The following NKAIN3 variants were observed in gnomAD, a reference collection of about 807,000 sequenced individuals.
NKAIN3 encodes sodium/potassium transporting ATPase interacting 3, also known as sodium/potassium-transporting ATPase subunit beta-1-interacting protein 3.
NKAIN3 carries 25 observed loss-of-function variants against 30.2 expected under a neutral mutation model. That is an observed-to-expected ratio of 0.83 (90% CI 0.60 to 1.16). The LOEUF is 1.16. Ranked by LOEUF, NKAIN3 falls within the 50% of genes most tolerant of loss-of-function variation. The pLI is 0.00. For missense variants in NKAIN3, 225 were observed against 254.1 expected (o/e 0.89, Z 0.78); for synonymous variants, 91 against 89.6 (o/e 1.02, Z -0.09).
chr8:62,596,464 G>C (rs1461161843), intron 3 of NKAIN3, among the ~76,000 whole-genome samples: 1 of 151,968 alleles, frequency 6.6e-6, no homozygotes, highest in Non-Finnish European at 1.5e-5. Flanking sequence ...TCTCCTAATG[G>C]CTTCCTGATG....
intron 1 of NKAIN3, among the ~76,000 whole-genome samples, chr8:62,577,278 A>G (rs1310443892): frequency 6.6e-6 from 1 of 151,960 alleles, no homozygotes; most frequent in Non-Finnish European, 1.5e-5. Context: ...TATAAAATGC[A>G]TATTTTCTCA....
intron 1 of NKAIN3, among the ~76,000 whole-genome samples, chr8:62,375,022 G>T (rs1360610641): frequency 6.6e-6 from 1 of 152,112 alleles, no homozygotes; most frequent in African/African-American, 2.4e-5. Flanking sequence ...TAAATGCTCT[G>T]TTCCCCTACA....
At chr8:62,857,120 C>T in intron 4 of NKAIN3, 1 of 381,390 alleles carries the variant, frequency 2.6e-6, no homozygotes, top group Non-Finnish European at 5.0e-6. Context: ...GGGAAGTGAC[C>T]AACTTGGACC....
At chr8:62,626,596 C>T (rs1288949908) in intron 3 of NKAIN3, among the ~76,000 whole-genome samples, 1 of 152,078 alleles carries the variant, frequency 6.6e-6, no homozygotes, top group Non-Finnish European at 1.5e-5. Flanking sequence ...GGACAGACTC[C>T]TGGGCTTTGC....
At chr8:62,554,852 C>T (rs1809334062) in intron 1 of NKAIN3, among the ~76,000 whole-genome samples, 1 of 152,102 alleles carries the variant, frequency 6.6e-6, no homozygotes, top group Admixed American at 6.6e-5. Flanking sequence ...CACTTCCACC[C>T]CTGATAACCA....
intron 5 of NKAIN3, among the ~76,000 whole-genome samples, chr8:62,943,992 A>G (rs190287396): frequency 6.6e-6 from 1 of 152,026 alleles, no homozygotes; most frequent in African/African-American, 2.4e-5. Flanking sequence ...GACATAATGG[A>G]CTTTGGGGAA....
intron 4 of NKAIN3, among the ~76,000 whole-genome samples, chr8:62,765,856 G>C (rs750222761): frequency 2.6e-5 from 4 of 151,680 alleles, no homozygotes; most frequent in Non-Finnish European, 4.4e-5. Flanking sequence ...TTCAGTACAA[G>C]ACTTTCTATA....
intron 3 of NKAIN3, among the ~76,000 whole-genome samples, chr8:62,687,450 T>G (rs1813834288): frequency 6.6e-6 from 1 of 152,178 alleles, no homozygotes; most frequent in African/African-American, 2.4e-5. Context: ...CTTTCATCCT[T>G]GAGTAATCTG....
chr8:62,290,297 G>T (rs1269259941), intron 1 of NKAIN3, among the ~76,000 whole-genome samples: 1 of 152,170 alleles, frequency 6.6e-6, no homozygotes, highest in South Asian at 2.1e-4. Flanking sequence ...GGAGTGGTGA[G>T]AGAGGGCATC....
intron 4 of NKAIN3, among the ~76,000 whole-genome samples, chr8:62,879,631 T>C (rs2130811753): frequency 6.6e-6 from 1 of 152,308 alleles, no homozygotes; most frequent in Non-Finnish European, 1.5e-5. Context: ...TGGGTCCAAA[T>C]GTGGGAGCTT....
intron 4 of NKAIN3, among the ~76,000 whole-genome samples, chr8:62,904,046 C>T (rs1172963896): frequency 6.6e-6 from 1 of 152,158 alleles, no homozygotes. Flanking sequence ...TGAGGGTGAA[C>T]CCTTGGACAA....
chr8:62,813,044 G>A (rs1018937483), intron 4 of NKAIN3, among the ~76,000 whole-genome samples: 5 of 151,740 alleles, frequency 3.3e-5, no homozygotes, highest in African/African-American at 1.2e-4. Flanking sequence ...AAGGCCTAAG[G>A]CCTCATTCTT....
At chr8:62,259,310 G>A (rs1812357600) in intron 1 of NKAIN3, among the ~76,000 whole-genome samples, 1 of 152,082 alleles carries the variant, frequency 6.6e-6, no homozygotes, top group African/African-American at 2.4e-5. Flanking sequence ...TTGAAAAAGA[G>A]GAGAGATTTT....
At chr8:62,554,132 A>G (rs900472078) in intron 1 of NKAIN3, among the ~76,000 whole-genome samples, 2 of 152,208 alleles carry the variant, frequency 1.3e-5, no homozygotes, top group Non-Finnish European at 2.9e-5. Context: ...AATAGAGGCA[A>G]TCTCTTACTT....
At chr8:62,930,012 T>A (rs538294052) in intron 5 of NKAIN3, among the ~76,000 whole-genome samples, 2 of 152,282 alleles carry the variant, frequency 1.3e-5, no homozygotes, top group South Asian at 4.2e-4. Flanking sequence ...TAGCAAGTGT[T>A]AAGAGTCACT....
intron 1 of NKAIN3, among the ~76,000 whole-genome samples, chr8:62,356,012 C>T (rs922148204): frequency 2.0e-5 from 3 of 152,088 alleles, no homozygotes; most frequent in Non-Finnish European, 4.4e-5. Flanking sequence ...TAACTTCCAA[C>T]GGTGGCAGGT....
At chr8:62,449,038 CTAT>C (rs1001499374) in intron 1 of NKAIN3, among the ~76,000 whole-genome samples, 4 of 151,902 alleles carry the variant, frequency 2.6e-5, no homozygotes, top group African/African-American at 9.7e-5. Context: ...CAAAGATTTA[CTAT>C]GAGAAAAAGT....
At chr8:62,395,255 G>A (rs202051904) in intron 1 of NKAIN3, among the ~76,000 whole-genome samples, 1 of 147,532 alleles carries the variant, frequency 6.8e-6, no homozygotes, top group Non-Finnish European at 1.5e-5. Context: ...AGGCAGAGGC[G>A]CTCCTCACTT....
intron 1 of NKAIN3, among the ~76,000 whole-genome samples, chr8:62,287,914 T>G (rs1022853136): frequency 9.9e-5 from 15 of 152,176 alleles, no homozygotes; most frequent in African/African-American, 3.6e-4. Context: ...CACATTGACT[T>G]GCTTAGCCTC....
Sources: allele counts gnomAD v4.1 joint callset (sites outside exome capture counted in the v4.1 genomes callset), GRCh38; gene constraint gnomAD v4.1.1; transcripts MANE v1.5; gene names NCBI Gene and HGNC (gene_info 2026-07-23, HGNC 2026-07-21).